Variants in GPM6A observed in about 807,000 individuals in gnomAD.
GPM6A encodes the protein glycoprotein M6A.
GPM6A carries 7 observed loss-of-function variants against 32.1 expected under a neutral mutation model. The ratio of observed to expected loss-of-function variants is 0.22; its 90% CI spans 0.12 to 0.41. The LOEUF is 0.41. Ranked by LOEUF, GPM6A falls within the 10% of genes least tolerant of loss-of-function variation. GPM6A has a pLI of 1.00. For missense variants in GPM6A, 235 were observed against 347.2 expected, an observed-to-expected ratio of 0.68 and a Z score of 2.57; for synonymous variants, 130 against 123.4, an observed-to-expected ratio of 1.05 and a Z score of -0.35.
intron 1 of GPM6A, among the ~76,000 whole-genome samples, chr4:175,909,005 T>A (rs1436649241): frequency 9.1e-6 from 1 of 110,230 alleles, no homozygotes; most frequent in Non-Finnish European, 1.7e-5. Flanking sequence ...TCCTGATCAC[T>A]GCATTTTGCC....
At chr4:175,793,952 C>T (rs910605052) in intron 1 of GPM6A, among the ~76,000 whole-genome samples, 1 of 151,664 alleles carries the variant, frequency 6.6e-6, no homozygotes, top group Non-Finnish European at 1.5e-5. Flanking sequence ...AGTCTTTGCT[C>T]ATTTTACTTT....
At chr4:175,787,318 A>T (rs1733841133) in intron 1 of GPM6A, 2 of 1,470,324 alleles carry the variant, frequency 1.4e-6, no homozygotes, top group East Asian at 4.9e-5. Flanking sequence ...CTCCCACCAA[A>T]GTCACCCTTG....
chr4:175,756,247 C>T (rs1429996324), intron 1 of GPM6A, among the ~76,000 whole-genome samples: 1 of 152,002 alleles, frequency 6.6e-6, no homozygotes, highest in Non-Finnish European at 1.5e-5. Context: ...GAGGCATATG[C>T]TCACACTTGC....
At chr4:175,855,180 A>G (rs1426881628) in intron 1 of GPM6A, among the ~76,000 whole-genome samples, 1 of 152,220 alleles carries the variant, frequency 6.6e-6, no homozygotes, top group Non-Finnish European at 1.5e-5. Flanking sequence ...TACTATGCAT[A>G]CAATGAAGTA....
chr4:175,681,807 T>A (rs796739964), intron 2 of GPM6A, among the ~76,000 whole-genome samples: 10 of 152,296 alleles, frequency 6.6e-5, no homozygotes, highest in African/African-American at 2.4e-4. Context: ...CAATTAAATC[T>A]CTTTACTAAT....
At chr4:175,997,207 C>T (rs1741335625) in intron 1 of GPM6A, among the ~76,000 whole-genome samples, 2 of 152,102 alleles carry the variant, frequency 1.3e-5, no homozygotes, top group Non-Finnish European at 2.9e-5. Context: ...AGTCAGCCCT[C>T]AGAACCGTGA....
chr4:175,800,779 A>G (rs904160277), intron 1 of GPM6A: 2 of 196,580 alleles, frequency 1.0e-5, no homozygotes, highest in Non-Finnish European at 2.3e-5. Flanking sequence ...GGACCACAAA[A>G]CAGCCTTGTA....
At chr4:175,850,075 G>C (rs936933401) in intron 1 of GPM6A, among the ~76,000 whole-genome samples, 3 of 152,132 alleles carry the variant, frequency 2.0e-5, no homozygotes, top group African/African-American at 7.2e-5. Flanking sequence ...GTACCTTCAA[G>C]AAAGTTATTA....
intron 1 of GPM6A, among the ~76,000 whole-genome samples, chr4:175,915,536 C>A (rs779040964): frequency 6.6e-5 from 10 of 152,064 alleles, no homozygotes; most frequent in Non-Finnish European, 1.2e-4. Flanking sequence ...GAACTCCTGA[C>A]CTCAAGGTGA....
chr4:175,815,436 A>G (rs771930104), upstream of GPM6A, among the ~76,000 whole-genome samples: 24 of 152,352 alleles, frequency 1.6e-4, no homozygotes, highest in Non-Finnish European at 2.4e-4. Context: ...GTTTCACATT[A>G]TAGTAGATTT....
intron 1 of GPM6A, among the ~76,000 whole-genome samples, chr4:175,936,527 G>A (rs919349698): frequency 6.6e-6 from 1 of 151,834 alleles, no homozygotes; most frequent in African/African-American, 2.4e-5. Context: ...AATCCTAGCA[G>A]CCTGCAGGCA....
chr4:175,824,921 T>G (rs1735387255), intron 1 of GPM6A, among the ~76,000 whole-genome samples: 1 of 152,200 alleles, frequency 6.6e-6, no homozygotes, highest in African/African-American at 2.4e-5. Context: ...TCCAATACAT[T>G]AAATGACTCA....
At chr4:175,969,091 G>T (rs1011801217) in intron 1 of GPM6A, among the ~76,000 whole-genome samples, 1 of 152,054 alleles carries the variant, frequency 6.6e-6, no homozygotes, top group Non-Finnish European at 1.5e-5. Context: ...AAAAAGTAAT[G>T]AGCTATCAAG....
chr4:175,640,943 A>T, intron 4 of GPM6A, 114 bp from the exon 5 acceptor site: 1 of 659,676 alleles, frequency 1.5e-6, no homozygotes, highest in Non-Finnish European at 2.7e-6. Flanking sequence ...ATCTTATGTT[A>T]TGTTACAGTG....
At chr4:175,767,072 C>T (rs903019787) in intron 1 of GPM6A, among the ~76,000 whole-genome samples, 2 of 152,242 alleles carry the variant, frequency 1.3e-5, no homozygotes, top group South Asian at 2.1e-4. Flanking sequence ...TGCAGTAAAA[C>T]GTAAGGACTA....
At chr4:175,710,502 A>G (rs1483887427) in intron 1 of GPM6A, among the ~76,000 whole-genome samples, 1 of 151,972 alleles carries the variant, frequency 6.6e-6, no homozygotes, top group Admixed American at 6.6e-5. Context: ...AAGCTTTTTA[A>G]ATCTTCTGTA....
intron 6 of GPM6A, among the ~76,000 whole-genome samples, chr4:175,637,500 A>G (rs1403092917): frequency 3.4e-5 from 1 of 29,356 alleles, no homozygotes; most frequent in Non-Finnish European, 9.6e-5. Context: ...CTTTATATAT[A>G]TATAAAACCT....
At chr4:175,864,712 T>C (rs2111426962) in intron 1 of GPM6A, among the ~76,000 whole-genome samples, 1 of 152,328 alleles carries the variant, frequency 6.6e-6, no homozygotes, top group Non-Finnish European at 1.5e-5. Flanking sequence ...CATGTAATCT[T>C]TGCCTAATTC....
chr4:175,645,468 C>G (rs1741403890), intron 4 of GPM6A, among the ~76,000 whole-genome samples: 1 of 152,060 alleles, frequency 6.6e-6, no homozygotes, highest in Non-Finnish European at 1.5e-5. Flanking sequence ...CGCCTGTAAT[C>G]CCAGCACTTC....
Sources: allele counts gnomAD v4.1 joint callset (sites outside exome capture counted in the v4.1 genomes callset), GRCh38; gene constraint gnomAD v4.1.1; transcripts MANE v1.5; gene names NCBI Gene and HGNC (gene_info 2026-07-23, HGNC 2026-07-21).